The following MCTP2 variants were observed in gnomAD, a reference collection of about 807,000 sequenced individuals.
MCTP2 encodes the protein multiple C2 and transmembrane domain containing 2, also known as multiple C2 and transmembrane domain-containing protein 2.
MCTP2 carries 132 observed loss-of-function variants against 111.6 expected under a neutral mutation model. The observed-to-expected ratio is 1.18, with a 90% CI of 1.03 to 1.37. The LOEUF is 1.37. Ranked by LOEUF, MCTP2 falls within the 40% of genes most tolerant of loss-of-function variation. The pLI is 0.00. For missense variants in MCTP2, 1,183 were observed against 1,067.9 expected (o/e 1.11, Z -1.50); for synonymous variants, 395 against 387.7 (o/e 1.02, Z -0.22).
intron 17 of MCTP2, among the ~76,000 whole-genome samples, chr15:94,413,173 A>G (rs990593041): frequency 3.9e-4 from 60 of 152,324 alleles, no homozygotes; most frequent in Non-Finnish European, 5.3e-4. Context: ...CATAAATGAT[A>G]AAATCCTAAG....
chr15:94,333,063 C>T (rs1213815508), intron 4 of MCTP2, among the ~76,000 whole-genome samples: 4 of 152,254 alleles, frequency 2.6e-5, no homozygotes, highest in African/African-American at 4.8e-5. Flanking sequence ...GGTGAAACCT[C>T]GGCTCTACTA....
chr15:94,274,221 G>A (rs1386851828), intron 1 of MCTP2, among the ~76,000 whole-genome samples: 1 of 152,148 alleles, frequency 6.6e-6, no homozygotes, highest in East Asian at 1.9e-4. Context: ...GAACTGAATG[G>A]TAATGAAAAT....
At chr15:94,410,699 A>G (rs2082114691) in intron 17 of MCTP2, among the ~76,000 whole-genome samples, 1 of 152,218 alleles carries the variant, frequency 6.6e-6, no homozygotes, top group African/African-American at 2.4e-5. Flanking sequence ...CCAGTCTTTC[A>G]TCTTTGTGCA....
At chr15:94,361,288 T>C (rs2078930479) in intron 10 of MCTP2, among the ~76,000 whole-genome samples, 2 of 152,034 alleles carry the variant, frequency 1.3e-5, no homozygotes, top group Admixed American at 6.6e-5. Flanking sequence ...ATATTCATAA[T>C]TGAACATTAC....
chr15:94,436,930 A>G (rs1159782657), intron 17 of MCTP2, among the ~76,000 whole-genome samples: 1 of 152,048 alleles, frequency 6.6e-6, no homozygotes, highest in Non-Finnish European at 1.5e-5. Context: ...CTCTAGCTTT[A>G]CCTAATAAAG....
At chr15:94,375,215 C>G (rs149831051) in intron 12 of MCTP2, among the ~76,000 whole-genome samples, 1,677 of 152,240 alleles carry the variant, frequency 0.011, 36 homozygotes, top group African/African-American at 0.038. Flanking sequence ...CTCTTGAGAA[C>G]TCTATCAGGA....
At chr15:94,347,025 A>ATTTTTTTT (rs2078022129) in intron 8 of MCTP2, among the ~76,000 whole-genome samples, 1 of 152,116 alleles carries the variant, frequency 6.6e-6, no homozygotes, top group Non-Finnish European at 1.5e-5. Flanking sequence ...CTAGATAAAT[A>ATTTTTTTT]AAGTTTACTT....
chr15:94,324,220 C>A (rs1180798512), intron 4 of MCTP2, among the ~76,000 whole-genome samples: 1 of 152,230 alleles, frequency 6.6e-6, no homozygotes, highest in Non-Finnish European at 1.5e-5. Context: ...GCTTGAACTT[C>A]AGCCTTGCGA....
chr15:94,339,178 C>T (rs1476272015), intron 4 of MCTP2, 112 bp from the exon 5 acceptor site: 2 of 711,200 alleles, frequency 2.8e-6, no homozygotes, highest in Non-Finnish European at 4.3e-6. Context: ...CCTTTAATCT[C>T]TGTGCAGGGA....
intron 20 of MCTP2, among the ~76,000 whole-genome samples, chr15:94,466,299 A>G (rs990326150): frequency 1.1e-4 from 17 of 152,080 alleles, no homozygotes; most frequent in East Asian, 1.9e-4. Context: ...GAATACACCT[A>G]TATTCCTTGG....
intron 17 of MCTP2, among the ~76,000 whole-genome samples, chr15:94,422,328 A>G (rs1224259222): frequency 6.6e-6 from 1 of 152,152 alleles, no homozygotes; most frequent in African/African-American, 2.4e-5. Flanking sequence ...GGACTCAGAA[A>G]TAATTCCTAG....
intron 8 of MCTP2, among the ~76,000 whole-genome samples, chr15:94,349,819 G>C (rs1968467): frequency 0.022 from 2,807 of 126,424 alleles, 113 homozygotes; most frequent in African/African-American, 0.062. Flanking sequence ...GACTCTGTCT[G>C]AAAAAAAAAA....
At chr15:94,312,958 C>T (rs576916476) in intron 2 of MCTP2, among the ~76,000 whole-genome samples, 3 of 152,252 alleles carry the variant, frequency 2.0e-5, no homozygotes, top group Non-Finnish European at 2.9e-5. Flanking sequence ...ATGTCTGAGT[C>T]ATGTCCAGGT....
intron 1 of MCTP2, among the ~76,000 whole-genome samples, chr15:94,233,961 T>C (rs2070366378): frequency 6.6e-6 from 1 of 152,206 alleles, no homozygotes; most frequent in Admixed American, 6.5e-5. Flanking sequence ...AGTTAACTGT[T>C]GAGAAAAGGC....
At chr15:94,451,008 A>C (rs1391473001) in intron 19 of MCTP2, among the ~76,000 whole-genome samples, 2 of 152,212 alleles carry the variant, frequency 1.3e-5, no homozygotes, top group Non-Finnish European at 2.9e-5. Context: ...TACTCATTGG[A>C]TACCCAACGC....
rs2078520282 is a variant in MCTP2, at chr15:94,354,765, G to A, written c.1006-1372G>A. Among the ~76,000 whole-genome samples, 5 of 152,298 alleles carry A rather than the reference G, an allele frequency of 3.3e-5. No homozygotes were observed. The South Asian group carries it at 1.0e-3, about 32-fold the overall frequency. ...ATTGTTGCGTCACTTATTAAGAGTG[G>A]TGGAGTGGCCTGGGTTCGATGAGGT... On this transcript the variant is annotated intron_variant, in intron 8 of 22. Transcript: ENST00000357742.
At chr15:94,292,172 A>G (rs2075063165) in intron 1 of MCTP2, among the ~76,000 whole-genome samples, 1 of 152,244 alleles carries the variant, frequency 6.6e-6, no homozygotes, top group African/African-American at 2.4e-5. Context: ...TTGAAAAATA[A>G]TCCATAAAAT....
At chr15:94,272,592 T>C (rs2073964167) in intron 1 of MCTP2, among the ~76,000 whole-genome samples, 1 of 152,228 alleles carries the variant, frequency 6.6e-6, no homozygotes, top group Non-Finnish European at 1.5e-5. Context: ...GTAATCTTCA[T>C]TTCACTAAAT....
chr15:94,344,985 C>T (rs951831681), intron 7 of MCTP2, 144 bp from the exon 8 acceptor site: 3 of 892,212 alleles, frequency 3.4e-6, no homozygotes, highest in Non-Finnish European at 5.0e-6. Context: ...CTCAAATATG[C>T]TTTCTCTATA....
Sources: gnomAD v4.1 joint callset for allele counts (sites outside exome capture counted in the v4.1 genomes callset) on GRCh38, gnomAD v4.1.1 for gene constraint, MANE v1.5 for transcripts, NCBI Gene and HGNC (gene_info 2026-07-23, HGNC 2026-07-21) for gene names.